The following TAF3 variants were observed in gnomAD, a reference collection of about 807,000 sequenced individuals.
TAF3 encodes transcription initiation factor TFIID subunit 3.
In TAF3, 7 loss-of-function variants were observed where a neutral mutation model predicts 80.6. The ratio of observed to expected loss-of-function variants is 0.09; its 90% CI spans 0.05 to 0.16. The LOEUF (loss-of-function observed/expected upper bound fraction) is 0.16. TAF3 is among the 10% of genes least tolerant of loss of function. The probability of loss-of-function intolerance (pLI) is 1.00; values close to 1 mark genes in which losing one functional copy is unlikely to be tolerated. For missense variants in TAF3, 921 were observed against 1,140.2 expected, an observed-to-expected ratio of 0.81 and a Z score of 2.77; for synonymous variants, 444 against 446.1, an observed-to-expected ratio of 1.00 and a Z score of 0.06.
chr10:7,818,506 G>C lies in TAF3; in HGVS notation c.-204G>C. ...GCTGCCTCGCCCCGGCGGCCGTCCA[G>C]CGGGAGGCGGAGCGAGTCCAAAATG... is the stretch of plus-strand genomic sequence containing the variant. On this transcript the variant is annotated 5_prime_UTR_variant, in exon 1 of 7. Transcript: ENST00000344293. 2.0e-6 allele frequency: 1 copy of C among 500,292 alleles called. No individual in the cohort carries two copies. The highest frequency in any genetic ancestry group is 3.5e-6 in the Non-Finnish European group (1 of 288,902). The allele number at this position is 500,292 out of a possible 1,614,324, so 31.0% of individuals were successfully genotyped here. A position where few individuals can be genotyped will look rare whatever the true frequency, so the allele number is the denominator to read the frequency against.
intron 1 of TAF3, among the ~76,000 whole-genome samples, chr10:7,823,885 G>A (rs76183298): frequency 0.078 from 11,797 of 151,074 alleles, 582 homozygotes; most frequent in Non-Finnish European, 0.11. Flanking sequence ...CGCCCACCTC[G>A]GCCTCTCAGT....
intron 2 of TAF3, among the ~76,000 whole-genome samples, chr10:7,897,166 C>T (rs1293430560): frequency 2.6e-5 from 4 of 152,290 alleles, no homozygotes; most frequent in East Asian, 1.9e-4. Context: ...TGGCAAGTCT[C>T]GCTTGTGCAT....
chr10:7,927,895 T>TA (rs1173137980), intron 2 of TAF3, among the ~76,000 whole-genome samples: 1 of 152,224 alleles, frequency 6.6e-6, no homozygotes, highest in African/African-American at 2.4e-5. Flanking sequence ...GGGCTATGTT[T>TA]AAAAGTGTCA....
At chr10:8,004,242 G>T (rs1361349486) in intron 4 of TAF3, among the ~76,000 whole-genome samples, 2 of 151,708 alleles carry the variant, frequency 1.3e-5, no homozygotes, top group Non-Finnish European at 2.9e-5. Flanking sequence ...ATAGAAATGG[G>T]GTTTCACCAT....
chr10:7,956,907 T>C (rs957282409), intron 2 of TAF3, among the ~76,000 whole-genome samples: 3 of 152,234 alleles, frequency 2.0e-5, no homozygotes, highest in African/African-American at 7.2e-5. Flanking sequence ...ATTACCACAC[T>C]GTTTTAGGTG....
chr10:7,974,070 G>A, intron 3 of TAF3, among the ~76,000 whole-genome samples: 1 of 151,938 alleles, frequency 6.6e-6, no homozygotes, highest in East Asian at 1.9e-4. Flanking sequence ...GTAGGTTGTG[G>A]TGAGCCAAGA....
intron 2 of TAF3, among the ~76,000 whole-genome samples, chr10:7,927,887 G>A (rs1054322584): frequency 6.6e-5 from 10 of 152,260 alleles, no homozygotes; most frequent in Middle Eastern, 3.4e-3. Flanking sequence ...GAAATAACGG[G>A]CTATGTTTAA....
intron 2 of TAF3, among the ~76,000 whole-genome samples, chr10:7,903,333 C>T (rs1837577900): frequency 1.3e-5 from 2 of 152,140 alleles, no homozygotes; most frequent in South Asian, 4.1e-4. Flanking sequence ...GACAAGTGTC[C>T]ATCTCAGCTT....
At position 8,009,980 on chromosome 10, in the gene TAF3, C is replaced by T. The variant is rs1048993509; in HGVS notation, c.2568+650C>T. ...AGGCTGGAGTGCAGTGGTACGATCT[C>T]GGCTCACTGCAGCCCCTGCCTCCCA... On this transcript the variant is annotated intron_variant, in intron 5 of 6. Coordinates refer to ENST00000344293, the MANE Select transcript of TAF3 (RefSeq NM_031923.4). The surrounding 1 kb of genome is among the most constrained non-coding windows in gnomAD (Gnocchi z 4.1). Among the ~76,000 whole-genome samples the T allele has an allele frequency of 6.6e-6, 1 of 151,672 alleles. No individual in the cohort carries two copies. Among genetic ancestry groups the T allele is most frequent in the African/African-American group, 2.4e-5 (1 of 41,268 alleles).
chr10:8,008,928 AGGGCCT>A, intron 4 of TAF3, 144 bp from the exon 5 acceptor site: 8 of 1,128,940 alleles, frequency 7.1e-6, no homozygotes, highest in Non-Finnish European at 9.9e-6. Context: ...CACTTCATGC[AGGGCCT>A]GGAACTCAGT....
At chr10:7,948,750 A>G (rs1262946636) in intron 2 of TAF3, among the ~76,000 whole-genome samples, 1 of 152,206 alleles carries the variant, frequency 6.6e-6, no homozygotes, top group Non-Finnish European at 1.5e-5. Context: ...CTTTTTCCCT[A>G]TCAAATTTAT....
At chr10:7,909,870 C>A (rs1406455861) in intron 2 of TAF3, among the ~76,000 whole-genome samples, 2 of 152,166 alleles carry the variant, frequency 1.3e-5, no homozygotes, top group African/African-American at 2.4e-5. Context: ...CCCTTAGTAT[C>A]TGTGGAGTAC....
At chr10:7,820,644 GCCA>G (rs1836681742) in intron 1 of TAF3, among the ~76,000 whole-genome samples, 1 of 152,146 alleles carries the variant, frequency 6.6e-6, no homozygotes, top group Non-Finnish European at 1.5e-5. Context: ...ACAGGGATAC[GCCA>G]CCATGCCTGG....
At chr10:8,014,348 A>G (rs1361904610) in intron 6 of TAF3, among the ~76,000 whole-genome samples, 1 of 152,246 alleles carries the variant, frequency 6.6e-6, no homozygotes, top group African/African-American at 2.4e-5. Flanking sequence ...CTGTTCAGTT[A>G]TGATAGACGA....
intron 2 of TAF3, among the ~76,000 whole-genome samples, chr10:7,869,065 C>A (rs1837241394): frequency 6.6e-6 from 1 of 152,028 alleles, no homozygotes. Flanking sequence ...GAACAATTCC[C>A]TATTTTGCTT....
chr10:7,985,091 A>G (rs1393041193), intron 4 of TAF3, among the ~76,000 whole-genome samples: 1 of 152,190 alleles, frequency 6.6e-6, no homozygotes, highest in Non-Finnish European at 1.5e-5. Context: ...CTGCCTGCAT[A>G]GCTTCTAGAG....
chr10:7,934,120 G>GA (rs2131199747), intron 2 of TAF3, among the ~76,000 whole-genome samples: 1 of 152,318 alleles, frequency 6.6e-6, no homozygotes, highest in Admixed American at 6.5e-5. Context: ...ACTCAAGGTT[G>GA]AAAAATCATT....
rs189474524 is a variant in TAF3, at chr10:7,845,322, G to T, written c.409+20762G>T. 1.4e-4 allele frequency among the ~76,000 whole-genome samples: 21 copies of T among 152,006 alleles called. No homozygotes were observed. The East Asian group carries it at 4.1e-3, about 29-fold the overall frequency. ...TCCAGGTCTTTGTGTGTGTGCGTGT[G>T]TGTGTGCACACGGTTCCTGCTTTAG... On this transcript the variant is annotated intron_variant, in intron 2 of 6. Coordinates refer to ENST00000344293, the MANE Select transcript of TAF3 (RefSeq NM_031923.4).
intron 3 of TAF3, among the ~76,000 whole-genome samples, chr10:7,975,937 T>A (rs1372963609): frequency 2.0e-5 from 3 of 152,206 alleles, no homozygotes; most frequent in Non-Finnish European, 2.9e-5. Context: ...CTGGCAGTGC[T>A]TGGGACAGTG....
Sources: allele counts gnomAD v4.1 joint callset (sites outside exome capture counted in the v4.1 genomes callset), GRCh38; gene constraint gnomAD v4.1.1; non-coding constraint Gnocchi (gnomAD v3.1); transcripts MANE v1.5; gene names NCBI Gene and HGNC (gene_info 2026-07-23, HGNC 2026-07-21).